Variants in ASTN2 observed in about 807,000 individuals in gnomAD.
ASTN2 encodes the protein astrotactin 2.
In ASTN2, 54 loss-of-function variants were observed where a neutral mutation model predicts 139.8. The ratio of observed to expected loss-of-function variants is 0.39; its 90% CI spans 0.31 to 0.48. The LOEUF (loss-of-function observed/expected upper bound fraction) is 0.48, where lower values mean the gene tolerates loss of function less well. Among genes scored for constraint, ASTN2 ranks in the 20% least tolerant of loss-of-function variants. The probability of loss-of-function intolerance (pLI) is 0.95; values close to 1 mark genes in which losing one functional copy is unlikely to be tolerated. For missense variants in ASTN2, 1,565 were observed against 1,725.1 expected, an observed-to-expected ratio of 0.91 and a Z score of 1.64; for synonymous variants, 756 against 719.5, an observed-to-expected ratio of 1.05 and a Z score of -0.81.
chr9:116,958,268 C>T lies in ASTN2; in HGVS notation c.1889+16940G>A, dbSNP rs201139386. ...GCTCATTGGGTTGTACGAATGTCAC[C>T]ATGTTTGAGAGCCACTCACTTAAAC... On this transcript the variant is annotated intron_variant, in intron 10 of 22. Coordinates refer to ENST00000313400, the MANE Select transcript of ASTN2 (RefSeq NM_001365068.1). Among the ~76,000 whole-genome samples the T allele has an allele frequency of 4.6e-5, 7 of 152,188 alleles. No individual in the cohort carries two copies. The East Asian group carries it at 1.4e-3, about 30-fold the overall frequency.
chr9:116,586,638 A>G (rs1854153839), intron 19 of ASTN2, among the ~76,000 whole-genome samples: 1 of 152,102 alleles, frequency 6.6e-6, no homozygotes, highest in Non-Finnish European at 1.5e-5. Context: ...TGGGCACTAT[A>G]GGAAGGGGGA....
Position 116,803,510 on chromosome 9 carries a change from ATATATATATATATTTTTT to A in ASTN2, c.2396+2104_2396+2121del, listed in dbSNP as rs1263578262. ...TATATATATATATATATATATATAT[ATATATATATATATTTTTT>A]TTTTTTTTTTTTTTTAGACGGAGTC... On this transcript the variant is annotated intron_variant, in intron 13 of 22. Transcript: ENST00000313400. Among the ~76,000 whole-genome samples, 9 of 7,282 alleles carry A rather than the reference ATATATATATATATTTTTT, an allele frequency of 1.2e-3. No individual in the cohort carries two copies. The East Asian group carries it at 0.082, about 66-fold the overall frequency. The allele number at this position is 7,282 out of a possible 152,430, so 4.8% of individuals were successfully genotyped here.
Position 117,230,997 on chromosome 9 carries a change from T to G in ASTN2, c.631-16255A>C, listed in dbSNP as rs1392585549. ...ATAAATAACACCTGGGGATGCTCAT[T>G]AAAAATACATATTTCTGGCCTTTAA... is the stretch of plus-strand genomic sequence containing the variant. On this transcript the variant is annotated intron_variant, in intron 2 of 22. Transcript: ENST00000313400. 3.9e-5 allele frequency among the ~76,000 whole-genome samples: 6 copies of G among 152,160 alleles called. No homozygotes were observed. In the East Asian group the frequency reaches 9.6e-4, roughly 24 times the overall value.
intron 10 of ASTN2, among the ~76,000 whole-genome samples, chr9:116,918,896 T>C (rs1021894752): frequency 6.6e-6 from 1 of 152,184 alleles, no homozygotes; most frequent in Non-Finnish European, 1.5e-5. Context: ...TTTAAAAATA[T>C]ATATATTTGA....
At chr9:117,162,825 T>C (rs1326491768) in intron 3 of ASTN2, among the ~76,000 whole-genome samples, 1 of 152,020 alleles carries the variant, frequency 6.6e-6, no homozygotes, top group Non-Finnish European at 1.5e-5. Context: ...GGTGAACAGA[T>C]CTCATTAGAG....
At chr9:117,060,401 A>G (rs375048709) in intron 5 of ASTN2, among the ~76,000 whole-genome samples, 5,177 of 75,754 alleles carry the variant, frequency 0.068, 223 homozygotes, top group Middle Eastern at 0.096. Flanking sequence ...AAAGAAAGAA[A>G]GAAAGAAAGA....
intron 19 of ASTN2, among the ~76,000 whole-genome samples, chr9:116,596,819 C>T (rs1478565580): frequency 6.6e-6 from 1 of 152,068 alleles, no homozygotes; most frequent in African/African-American, 2.4e-5. Flanking sequence ...GACTCACGTG[C>T]TTAATCCCAT....
At chr9:116,455,043 A>T (rs79457739) in intron 20 of ASTN2, among the ~76,000 whole-genome samples, 13,272 of 148,450 alleles carry the variant, frequency 0.089, 835 homozygotes, top group African/African-American at 0.18. Flanking sequence ...ATAATAATAA[A>T]AAAAAAAAAG....
At chr9:117,295,997 G>A (rs1212107283) in intron 1 of ASTN2, among the ~76,000 whole-genome samples, 1 of 151,896 alleles carries the variant, frequency 6.6e-6, no homozygotes, top group Admixed American at 6.6e-5. Context: ...ATGTAGTTCA[G>A]GGCCTGGCGT....
chr9:117,102,320 C>G (rs912095274), intron 4 of ASTN2, among the ~76,000 whole-genome samples: 13 of 152,106 alleles, frequency 8.5e-5, no homozygotes, highest in Non-Finnish European at 1.8e-4. Flanking sequence ...TATGAAATAT[C>G]CAGGATAGCT....
intron 13 of ASTN2, among the ~76,000 whole-genome samples, chr9:116,792,368 T>C (rs945954489): frequency 1.3e-5 from 2 of 152,186 alleles, no homozygotes; most frequent in Non-Finnish European, 2.9e-5. Flanking sequence ...CTTCAACCTT[T>C]GACCTGAAGC....
chr9:116,782,442 C>CT (rs1443819552), intron 13 of ASTN2, among the ~76,000 whole-genome samples: 4 of 152,230 alleles, frequency 2.6e-5, no homozygotes, highest in Admixed American at 6.5e-5. Context: ...TTCTTTCTGC[C>CT]TTTTTTGGCA....
intron 1 of ASTN2, among the ~76,000 whole-genome samples, chr9:117,346,142 G>C (rs1042548870): frequency 2.0e-5 from 3 of 151,954 alleles, no homozygotes; most frequent in African/African-American, 7.2e-5. Context: ...GGATTACAAA[G>C]AGTAAAGATG....
intron 4 of ASTN2, among the ~76,000 whole-genome samples, chr9:117,118,036 G>A (rs903935786): frequency 1.3e-5 from 2 of 152,158 alleles, no homozygotes; most frequent in African/African-American, 4.8e-5. Context: ...AAAAGTGCCA[G>A]GTTGTTCAAA....
chr9:116,860,070 G>A (rs541992882), intron 11 of ASTN2, among the ~76,000 whole-genome samples: 5 of 152,160 alleles, frequency 3.3e-5, no homozygotes, highest in Non-Finnish European at 7.4e-5. Flanking sequence ...GGAGAGTGAT[G>A]GACAAGGGCC....
intron 3 of ASTN2, among the ~76,000 whole-genome samples, chr9:117,186,691 T>C (rs568009389): frequency 5.1e-4 from 77 of 152,320 alleles, no homozygotes; most frequent in Middle Eastern, 3.4e-3. Flanking sequence ...ACTCACTTGT[T>C]TTATCAATTC....
At chr9:117,388,281 T>G (rs112217512) in intron 1 of ASTN2, among the ~76,000 whole-genome samples, 107 of 152,330 alleles carry the variant, frequency 7.0e-4, no homozygotes, top group African/African-American at 2.5e-3. Context: ...CTACCTCTTC[T>G]CCATTTATGT....
At chr9:116,944,194 T>G (rs1445719403) in intron 10 of ASTN2, among the ~76,000 whole-genome samples, 1 of 152,050 alleles carries the variant, frequency 6.6e-6, no homozygotes, top group Non-Finnish European at 1.5e-5. Context: ...TTAATATGAG[T>G]AGGTAGCAGA....
chr9:117,391,504 T>A (rs1010860725), intron 1 of ASTN2, among the ~76,000 whole-genome samples: 3 of 152,150 alleles, frequency 2.0e-5, no homozygotes, highest in African/African-American at 4.8e-5. Context: ...TTCACTATCA[T>A]GAGAACAGCA....
Sources: allele counts gnomAD v4.1 joint callset (sites outside exome capture counted in the v4.1 genomes callset), GRCh38; gene constraint gnomAD v4.1.1; transcripts MANE v1.5; gene names NCBI Gene and HGNC (gene_info 2026-07-23, HGNC 2026-07-21).